SLC5A8: variants seen among roughly 807,000 people sequenced by gnomAD.
The protein encoded by SLC5A8 is sodium-coupled monocarboxylate transporter 1.
In SLC5A8, 55 loss-of-function variants were observed where a neutral mutation model predicts 71.9. The observed-to-expected ratio is 0.77, with a 90% CI of 0.62 to 0.96. The LOEUF (loss-of-function observed/expected upper bound fraction) is 0.96, where lower values mean the gene tolerates loss of function less well. Ranked by LOEUF, SLC5A8 falls within the 40% of genes least tolerant of loss-of-function variation. SLC5A8 has a pLI of 0.00. For missense variants in SLC5A8, 701 were observed against 745.3 expected (o/e 0.94, Z 0.69); for synonymous variants, 307 against 276.1 (o/e 1.11, Z -1.11).
intron 3 of SLC5A8, 101 bp downstream of exon 3, chr12:101,202,063 G>T: frequency 8.7e-7 from 1 of 1,145,336 alleles, no homozygotes; most frequent in Non-Finnish European, 1.3e-6. Flanking sequence ...CAGGTTACTA[G>T]AAGCATTCCT....
intron 10 of SLC5A8, among the ~76,000 whole-genome samples, chr12:101,174,383 G>A (rs1479792917): frequency 1.3e-5 from 2 of 152,154 alleles, no homozygotes; most frequent in African/African-American, 4.8e-5. Context: ...ATAAGCTGGT[G>A]TCATGGGCCA....
At chr12:101,167,958 A>G (rs2051788788) in intron 11 of SLC5A8, 138 bp downstream of exon 11, 2 of 834,032 alleles carry the variant, frequency 2.4e-6, no homozygotes, top group Non-Finnish European at 3.8e-6. Flanking sequence ...ACACTCCACC[A>G]AAGTCAACAG....
chr12:101,156,472 A>T lies in SLC5A8; in HGVS notation c.*807T>A, dbSNP rs1668349348. ...GATTCACATGAGTGTCTTGAGACAT[A>T]TCCAAGCCCAGGGCAATAAACAGAA... On this transcript the variant is annotated 3_prime_UTR_variant, in exon 15 of 15. Transcript: ENST00000536262. 1 of 152,208 alleles carries T rather than the reference A, an allele frequency of 6.6e-6. No individual in the cohort carries two copies. Among genetic ancestry groups the T allele is most frequent in the Admixed American group, 6.6e-5 (1 of 15,264 alleles). The allele number at this position is 152,208 out of a possible 1,614,324, so 9.4% of individuals were successfully genotyped here.
intron 12 of SLC5A8, among the ~76,000 whole-genome samples, chr12:101,165,070 A>G (rs2051756977): frequency 6.6e-6 from 1 of 152,148 alleles, no homozygotes; most frequent in Non-Finnish European, 1.5e-5. Flanking sequence ...CCCTCCTGCT[A>G]GATTAGAATT....
intron 1 of SLC5A8, among the ~76,000 whole-genome samples, chr12:101,208,292 C>G (rs1345570674): frequency 2.0e-5 from 3 of 152,150 alleles, no homozygotes; most frequent in South Asian, 2.1e-4. Flanking sequence ...CACTAGAGCC[C>G]AGGCAGAGTG....
At chr12:101,209,347 G>GC in intron 1 of SLC5A8, 151 bp downstream of exon 1, 3 of 636,380 alleles carry the variant, frequency 4.7e-6, no homozygotes, top group Admixed American at 6.1e-5. Context: ...ATCGGGGGAC[G>GC]GGGAGGAGTG....
rs2051660706 is a variant in SLC5A8 at position 101,156,266 on chromosome 12, T to C, written c.*1013A>G. On this transcript the variant is annotated 3_prime_UTR_variant, in exon 15 of 15. Transcript: ENST00000536262. ...TTGCAAATTAGTTGACATTCAAAAGTTCAACTTAATAGCATTAAGTGTAGT... is the reference window on the plus strand; with the variant it reads ...TTGCAAATTAGTTGACATTCAAAAGCTCAACTTAATAGCATTAAGTGTAGT... The C allele has an allele frequency of 5.3e-5, 8 of 152,214 alleles. No homozygotes were observed. In the South Asian group the frequency reaches 1.7e-3, roughly 31 times the overall value. 9.4% of individuals were successfully genotyped at this position (152,214 alleles called of 1,614,324 possible). A position where few individuals can be genotyped will look rare whatever the true frequency, so the allele number is the denominator to read the frequency against.
chr12:101,192,720 A>G (rs191186337), intron 5 of SLC5A8, among the ~76,000 whole-genome samples: 2 of 152,330 alleles, frequency 1.3e-5, no homozygotes, highest in African/African-American at 2.4e-5. Context: ...ATAATACTTC[A>G]TATTAGATAA....
intron 14 of SLC5A8, 112 bp from the exon 15 acceptor site, chr12:101,157,513 C>T: frequency 7.7e-7 from 1 of 1,303,076 alleles, no homozygotes; most frequent in Non-Finnish European, 1.0e-6. Flanking sequence ...GCTTTCTAAT[C>T]TACTGAGGGA....
intron 7 of SLC5A8, 23 bp downstream of exon 7, chr12:101,187,363 G>A (rs374022591): frequency 6.9e-6 from 11 of 1,602,034 alleles, no homozygotes; most frequent in Admixed American, 3.5e-5. Flanking sequence ...TAATACACCT[G>A]TAAGAAAGAC....
chr12:101,160,605 A>C (rs1029874179), intron 13 of SLC5A8, among the ~76,000 whole-genome samples: 6 of 152,176 alleles, frequency 3.9e-5, no homozygotes, highest in Non-Finnish European at 8.8e-5. Flanking sequence ...CAGGGAGCCC[A>C]GCATGTTTCA....
intron 6 of SLC5A8, among the ~76,000 whole-genome samples, chr12:101,189,078 AT>A (rs1319103294): frequency 3.3e-5 from 5 of 152,176 alleles, no homozygotes; most frequent in Admixed American, 1.3e-4. Flanking sequence ...GCTTATGGGA[AT>A]TGATTTTTAT....
chr12:101,158,598 C>CTATATA (rs139268658), intron 13 of SLC5A8, among the ~76,000 whole-genome samples: 278 of 21,052 alleles, frequency 0.013, 5 homozygotes, highest in East Asian at 0.02. Flanking sequence ...CTCTCTCTCT[C>CTATATA]TATATATATA....
intron 7 of SLC5A8, 77 bp from the exon 8 acceptor site, chr12:101,184,299 C>G: frequency 8.2e-7 from 1 of 1,220,914 alleles, no homozygotes; most frequent in Non-Finnish European, 1.2e-6. Flanking sequence ...TATCATTTGT[C>G]TTGTCTCCTT....
At position 101,174,072 on chromosome 12, in the gene SLC5A8, A is replaced by C. The variant is rs550377701; in HGVS notation, c.1234-5890T>G. 3.9e-5 allele frequency among the ~76,000 whole-genome samples: 6 copies of C among 152,300 alleles called. No individual in the cohort carries two copies. The South Asian group carries it at 6.2e-4, about 16-fold the overall frequency. Reference sequence around the variant, plus strand: ...GCAACAGGCCACAAAGTAAAATAAAAACTACCAGACACACTACGGAGTGTT... The same window carrying C: ...GCAACAGGCCACAAAGTAAAATAAACACTACCAGACACACTACGGAGTGTT... On this transcript the variant is annotated intron_variant, in intron 10 of 14. Transcript: ENST00000536262.
chr12:101,174,623 C>G (rs1234380274), intron 10 of SLC5A8, among the ~76,000 whole-genome samples: 5 of 152,150 alleles, frequency 3.3e-5, no homozygotes, highest in African/African-American at 9.7e-5. Flanking sequence ...CTGGAAATCC[C>G]TGAGCCAGGG....
chr12:101,179,141 A>T (rs1265531846), intron 10 of SLC5A8, among the ~76,000 whole-genome samples: 4 of 151,812 alleles, frequency 2.6e-5, no homozygotes, highest in African/African-American at 7.3e-5. Context: ...GGCTAATATA[A>T]AAAAAAAGAC....
At chr12:101,193,493 C>T (rs78753882) in intron 5 of SLC5A8, 132 bp downstream of exon 5, 2 of 1,040,526 alleles carry the variant, frequency 1.9e-6, no homozygotes, top group African/African-American at 1.6e-5. Flanking sequence ...TACTTCTCTG[C>T]TTCAATTTGC....
At chr12:101,177,220 G>A in intron 10 of SLC5A8, among the ~76,000 whole-genome samples, 1 of 151,812 alleles carries the variant, frequency 6.6e-6, no homozygotes. Context: ...AATATGAAAT[G>A]GATAATTTGA....
Sources: allele counts gnomAD v4.1 joint callset (sites outside exome capture counted in the v4.1 genomes callset), GRCh38; gene constraint gnomAD v4.1.1; transcripts MANE v1.5; gene names NCBI Gene and HGNC (gene_info 2026-07-23, HGNC 2026-07-21).